Variants in MCC observed in about 807,000 individuals in gnomAD.
The protein encoded by MCC is MCC regulator of Wnt signaling pathway.
MCC carries 90 observed loss-of-function variants against 116.2 expected under a neutral mutation model. The ratio of observed to expected loss-of-function variants is 0.77; its 90% CI spans 0.65 to 0.92. The LOEUF (loss-of-function observed/expected upper bound fraction) is 0.92. Among genes scored for constraint, MCC ranks in the 40% least tolerant of loss-of-function variants. The probability of loss-of-function intolerance (pLI) is 0.00; values close to 1 mark genes in which losing one functional copy is unlikely to be tolerated. For synonymous variants in MCC, 578 were observed against 510.5 expected (o/e 1.13, Z -1.78); for missense variants, 1,516 against 1,312.2 (o/e 1.16, Z -2.40).
chr5:113,469,669 G>A (rs1253294974), intron 1 of MCC, among the ~76,000 whole-genome samples: 1 of 152,096 alleles, frequency 6.6e-6, no homozygotes, highest in Admixed American at 6.6e-5. Flanking sequence ...GTTGATTTGG[G>A]GTGGAGAGTT....
chr5:113,126,398 T>C (rs1429872621), intron 5 of MCC, among the ~76,000 whole-genome samples: 1 of 152,212 alleles, frequency 6.6e-6, no homozygotes, highest in Non-Finnish European at 1.5e-5. Context: ...ATGCAACCAC[T>C]AGCACAGCCT....
chr5:113,337,613 G>A (rs571795577), intron 3 of MCC, among the ~76,000 whole-genome samples: 54 of 152,234 alleles, frequency 3.5e-4, no homozygotes, highest in African/African-American at 1.3e-3. Flanking sequence ...GTAATCCTCT[G>A]CTACTAGTTA....
chr5:113,185,929 T>C (rs1449675448), intron 3 of MCC, among the ~76,000 whole-genome samples: 25 of 152,082 alleles, frequency 1.6e-4, no homozygotes, highest in Admixed American at 1.6e-3. Context: ...TTCCTTAATT[T>C]GAGAAGAAAG....
intron 1 of MCC, among the ~76,000 whole-genome samples, chr5:113,461,321 C>T (rs897794159): frequency 2.0e-5 from 3 of 152,062 alleles, no homozygotes; most frequent in Admixed American, 2.0e-4. Flanking sequence ...AAGAACAGCC[C>T]CCTTTATAAT....
intron 1 of MCC, among the ~76,000 whole-genome samples, chr5:113,455,738 G>A (rs1229577210): frequency 6.6e-6 from 1 of 152,176 alleles, no homozygotes. Flanking sequence ...CCCCAAATAT[G>A]AGCAATCATA....
chr5:113,100,576 A>G (rs1221445120), intron 8 of MCC, among the ~76,000 whole-genome samples: 1 of 146,666 alleles, frequency 6.8e-6, no homozygotes, highest in Non-Finnish European at 1.5e-5. Context: ...GGTTCAAGCG[A>G]TTCTCCTGCC....
At chr5:113,096,398 C>G (rs754312379) in intron 8 of MCC, among the ~76,000 whole-genome samples, 3 of 152,212 alleles carry the variant, frequency 2.0e-5, no homozygotes, top group Non-Finnish European at 4.4e-5. Context: ...GGGCACACAT[C>G]CTCTCAAAGA....
intron 1 of MCC, among the ~76,000 whole-genome samples, chr5:113,466,298 G>C (rs1481304330): frequency 1.3e-5 from 2 of 150,924 alleles, no homozygotes; most frequent in African/African-American, 4.9e-5. Context: ...TCGTCATTTA[G>C]CATTAGGTAT....
intron 3 of MCC, among the ~76,000 whole-genome samples, chr5:113,161,924 G>A (rs1760507706): frequency 6.6e-6 from 1 of 152,218 alleles, no homozygotes; most frequent in Admixed American, 6.5e-5. Context: ...TCCGTTTCAG[G>A]GAAGGCCCAG....
At chr5:113,342,595 G>A (rs1768043860) in intron 2 of MCC, among the ~76,000 whole-genome samples, 1 of 152,232 alleles carries the variant, frequency 6.6e-6, no homozygotes, top group Non-Finnish European at 1.5e-5. Context: ...GATGAATGGG[G>A]AATGTTCAGG....
At chr5:113,128,440 G>A (rs148648369) in intron 5 of MCC, among the ~76,000 whole-genome samples, 2 of 152,234 alleles carry the variant, frequency 1.3e-5, no homozygotes, top group African/African-American at 2.4e-5. Context: ...TAAAGCTATT[G>A]GAAGGAAATG....
At position 113,029,577 on chromosome 5, in the gene MCC, G is replaced by A. The variant is rs548241033; in HGVS notation, c.2757-521C>T. On this transcript the variant is annotated intron_variant, in intron 17 of 18. Transcript: ENST00000408903. ...GATATGATACTCTCTTCATTGTAAG[G>A]GTCCTTATTTCCCATGAAATTACAT... 3.3e-5 allele frequency among the ~76,000 whole-genome samples: 5 copies of A among 152,122 alleles called. No homozygotes were observed. In the East Asian group the frequency reaches 9.6e-4, roughly 29 times the overall value.
At chr5:113,320,470 T>C (rs1581397207) in intron 3 of MCC, among the ~76,000 whole-genome samples, 1 of 136,002 alleles carries the variant, frequency 7.4e-6, no homozygotes, top group Non-Finnish European at 1.5e-5. Flanking sequence ...AAAAAAAGGC[T>C]GTTTAAATGT....
At chr5:113,312,536 A>G (rs1767160682) in intron 3 of MCC, among the ~76,000 whole-genome samples, 2 of 152,190 alleles carry the variant, frequency 1.3e-5, no homozygotes, top group African/African-American at 4.8e-5. Context: ...TGAGTTACTT[A>G]GAAGGTCAAT....
intron 18 of MCC, 114 bp downstream of exon 18, chr5:113,028,816 GAGTT>G (rs747725411): frequency 2.9e-5 from 36 of 1,236,198 alleles, no homozygotes; most frequent in Non-Finnish European, 3.9e-5. Flanking sequence ...CCACTTTCTA[GAGTT>G]AGTTCTTAAG....
At chr5:113,431,762 A>AGGGGG (rs1770652190) in intron 1 of MCC, among the ~76,000 whole-genome samples, 1 of 11,978 alleles carries the variant, frequency 8.3e-5, no homozygotes, top group Non-Finnish European at 2.8e-4. Flanking sequence ...TTGGGAGGCC[A>AGGGGG]AGGGGGGGGG....
chr5:113,156,429 A>G (rs1455425015), intron 3 of MCC, among the ~76,000 whole-genome samples: 1 of 152,222 alleles, frequency 6.6e-6, no homozygotes, highest in Middle Eastern at 3.2e-3. Flanking sequence ...TTTGAAGTCA[A>G]CAACCTTCTC....
intron 3 of MCC, among the ~76,000 whole-genome samples, chr5:113,172,576 A>G (rs762857726): frequency 1.5e-4 from 23 of 152,230 alleles, no homozygotes; most frequent in African/African-American, 4.1e-4. Context: ...GACATAACAC[A>G]GAACAAATCA....
chr5:113,115,493 A>G (rs547422291), intron 6 of MCC, among the ~76,000 whole-genome samples: 2 of 152,226 alleles, frequency 1.3e-5, no homozygotes, highest in East Asian at 3.9e-4. Context: ...GAAACAACAA[A>G]CTTGGTCATA....
Sources: gnomAD v4.1 joint callset for allele counts (sites outside exome capture counted in the v4.1 genomes callset) on GRCh38, gnomAD v4.1.1 for gene constraint, MANE v1.5 for transcripts, NCBI Gene and HGNC (gene_info 2026-07-23, HGNC 2026-07-21) for gene names.